Variants in RPTOR observed in about 807,000 individuals in gnomAD.
RPTOR encodes the protein regulatory associated protein of MTOR complex 1.
In RPTOR, 21 loss-of-function variants were observed where a neutral mutation model predicts 169.9. The ratio of observed to expected loss-of-function variants is 0.12; its 90% CI spans 0.09 to 0.18. The LOEUF (loss-of-function observed/expected upper bound fraction) is 0.18, where lower values mean the gene tolerates loss of function less well. Ranked by LOEUF, RPTOR falls within the 10% of genes least tolerant of loss-of-function variation. The pLI is 1.00. For missense variants in RPTOR, 1,133 were observed against 1,855.9 expected (o/e 0.61, Z 7.16); for synonymous variants, 732 against 753.2 (o/e 0.97, Z 0.46).
At chr17:80,949,318 A>T in intron 27 of RPTOR, 125 bp from the exon 28 acceptor site, 1 of 794,360 alleles carries the variant, frequency 1.3e-6, no homozygotes, top group Non-Finnish European at 2.2e-6. Context: ...ACGGGTAGTG[A>T]GTCAGGCTGG....
At chr17:80,690,124 GA>G (rs2065978303) in intron 3 of RPTOR, among the ~76,000 whole-genome samples, 3 of 151,774 alleles carry the variant, frequency 2.0e-5, no homozygotes, top group Non-Finnish European at 2.9e-5. Flanking sequence ...TTTTTATTAT[GA>G]AAAATTTCAA....
chr17:80,672,565 C>A (rs1228157022), intron 3 of RPTOR, among the ~76,000 whole-genome samples: 3 of 152,022 alleles, frequency 2.0e-5, no homozygotes, highest in Non-Finnish European at 2.9e-5. Flanking sequence ...CCGAGGCGGG[C>A]AGATCACGAA....
chr17:80,949,391 G>A, intron 27 of RPTOR, 52 bp from the exon 28 acceptor site: 2 of 1,460,204 alleles, frequency 1.4e-6, no homozygotes, highest in Non-Finnish European at 1.9e-6. Flanking sequence ...ACAGAGCACA[G>A]GCCAGGCCAT....
At chr17:80,587,618 G>A (rs565327358) in intron 1 of RPTOR, among the ~76,000 whole-genome samples, 1 of 152,088 alleles carries the variant, frequency 6.6e-6, no homozygotes, top group South Asian at 2.1e-4. Flanking sequence ...CATTCCTGTG[G>A]GTATGTATTA....
intron 5 of RPTOR, among the ~76,000 whole-genome samples, chr17:80,751,749 C>G (rs1258001471): frequency 6.6e-6 from 1 of 152,168 alleles, no homozygotes; most frequent in African/African-American, 2.4e-5. Context: ...AAAACAAGCC[C>G]TAGGAATTGT....
chr17:80,895,120 C>A (rs1312065616), intron 20 of RPTOR, among the ~76,000 whole-genome samples: 3 of 152,188 alleles, frequency 2.0e-5, no homozygotes, highest in Non-Finnish European at 4.4e-5. Context: ...TCTTAATAAG[C>A]AAACTCAGAA....
At chr17:80,896,628 C>T (rs2068409649) in intron 20 of RPTOR, among the ~76,000 whole-genome samples, 1 of 152,210 alleles carries the variant, frequency 6.6e-6, no homozygotes, top group African/African-American at 2.4e-5. Flanking sequence ...CACCTTTGAG[C>T]CCGCTCCTCA....
intron 8 of RPTOR, among the ~76,000 whole-genome samples, chr17:80,822,841 A>T (rs1408023061): frequency 6.6e-6 from 1 of 152,064 alleles, no homozygotes; most frequent in Non-Finnish European, 1.5e-5. Flanking sequence ...CTGTATAGGT[A>T]CACACCTGTG....
intron 1 of RPTOR, among the ~76,000 whole-genome samples, chr17:80,616,296 A>ATTTTT: frequency 9.8e-6 from 1 of 101,790 alleles, no homozygotes; most frequent in South Asian, 2.9e-4. Context: ...AAAATTGAAA[A>ATTTTT]TCTTTTTTTT....
chr17:80,874,442 G>A (rs1055677422), intron 13 of RPTOR, among the ~76,000 whole-genome samples: 2 of 152,074 alleles, frequency 1.3e-5, no homozygotes, highest in African/African-American at 2.4e-5. Flanking sequence ...TGATCCACCC[G>A]CCTCGGCCTC....
At position 80,962,948 on chromosome 17, in the gene RPTOR, C is replaced by T. The variant is rs2144105055; in HGVS notation, c.3830C>T (p.Thr1277Ile). Residue 1277 changes from threonine (T) to isoleucine (I), a missense_variant, in exon 33 of 34, where the codon ACC becomes ATC. This residue lies in a region of RPTOR where 410 missense variants were observed against 623.7 expected (regional missense o/e 0.66). Coordinates refer to ENST00000306801, the MANE Select transcript of RPTOR (RefSeq NM_020761.3). ...LIACGSVNQFTAIYNSSGELI... is the reference protein window; with the variant it reads ...LIACGSVNQFIAIYNSSGELI... ...CACAGTGGCTCCGTCAATCAGTTCA[C>T]CGCCATCTACAACAGCAGCGGAGAG... 6.2e-7 allele frequency: 1 copy of T among 1,613,714 alleles called. No homozygotes were observed. Among genetic ancestry groups the T allele is most frequent in the Non-Finnish European group, 8.5e-7 (1 of 1,179,970 alleles).
At chr17:80,864,390 TCACAGA>T (rs1366346803) in intron 13 of RPTOR, among the ~76,000 whole-genome samples, 17 of 146,302 alleles carry the variant, frequency 1.2e-4, no homozygotes, top group African/African-American at 4.1e-4. Context: ...AAGTTTCTTC[TCACAGA>T]TTTCCTACAG....
chr17:80,747,991 G>A (rs1189837740), intron 5 of RPTOR, among the ~76,000 whole-genome samples: 5 of 151,184 alleles, frequency 3.3e-5, no homozygotes, highest in East Asian at 1.9e-4. Context: ...AGGCCGTGGC[G>A]GGAGGACCTG....
chr17:80,548,060 T>C (rs1171233980), intron 1 of RPTOR, among the ~76,000 whole-genome samples: 4 of 148,820 alleles, frequency 2.7e-5, no homozygotes, highest in Non-Finnish European at 5.9e-5. Context: ...ACCCCATTTG[T>C]GGAGTGTTTT....
At chr17:80,639,802 G>T (rs1007910909) in intron 2 of RPTOR, among the ~76,000 whole-genome samples, 1 of 152,200 alleles carries the variant, frequency 6.6e-6, no homozygotes, top group Admixed American at 6.5e-5. Context: ...CTGGTGGAGT[G>T]CCAGCTCTTT....
At chr17:80,677,391 G>A (rs1475349001) in intron 3 of RPTOR, among the ~76,000 whole-genome samples, 1 of 152,152 alleles carries the variant, frequency 6.6e-6, no homozygotes, top group Non-Finnish European at 1.5e-5. Context: ...ATTTGAGAGG[G>A]ATTTTGGCCT....
At chr17:80,613,120 C>T (rs2065283026) in intron 1 of RPTOR, among the ~76,000 whole-genome samples, 1 of 152,140 alleles carries the variant, frequency 6.6e-6, no homozygotes, top group Non-Finnish European at 1.5e-5. Context: ...ATCATCCTGT[C>T]CGAGAGTCCT....
chr17:80,835,285 T>C (rs374195095), intron 9 of RPTOR, among the ~76,000 whole-genome samples: 5 of 152,240 alleles, frequency 3.3e-5, no homozygotes, highest in African/African-American at 1.2e-4. Context: ...ACATTTTTCA[T>C]TCTCATTTTG....
rs184417971 is a variant in RPTOR at position 80,702,115 on chromosome 17, G to T, written c.349-5726G>T. 9.9e-5 allele frequency among the ~76,000 whole-genome samples: 15 copies of T among 152,200 alleles called. No homozygotes were observed. The East Asian group carries it at 2.7e-3, about 27-fold the overall frequency. On this transcript the variant is annotated intron_variant, in intron 3 of 33. Coordinates refer to ENST00000306801, the MANE Select transcript of RPTOR (RefSeq NM_020761.3). ...ATCTGATTGCAGTAGCATTTCTTAG[G>T]CCTTATTAGCATATAAATTTACCAG... is the stretch of plus-strand genomic sequence containing the variant.
Sources: gnomAD v4.1 joint callset for allele counts (sites outside exome capture counted in the v4.1 genomes callset) on GRCh38, gnomAD v4.1.1 for gene constraint, gnomAD v4.1.1 regional missense constraint, MANE v1.5 for transcripts, NCBI Gene and HGNC (gene_info 2026-07-23, HGNC 2026-07-21) for gene names.